The following MTMR12 variants were observed in gnomAD, a reference collection of about 807,000 sequenced individuals.
MTMR12 encodes myotubularin-related protein 12.
Under a neutral mutation model 96.7 loss-of-function variants are expected in MTMR12, and 33 were observed. The ratio of observed to expected loss-of-function variants is 0.34; its 90% CI spans 0.26 to 0.46. The LOEUF (loss-of-function observed/expected upper bound fraction) is 0.46. MTMR12 is among the 20% of genes least tolerant of loss of function. MTMR12 has a pLI of 1.00. For synonymous variants in MTMR12, 298 were observed against 327.2 expected (o/e 0.91, Z 0.96); for missense variants, 721 against 896.1 (o/e 0.80, Z 2.49).
At chr5:32,276,808 T>G in intron 1 of MTMR12, 66 bp from the exon 2 acceptor site, 1 of 1,335,270 alleles carries the variant, frequency 7.5e-7, no homozygotes, top group Non-Finnish European at 1.1e-6. Flanking sequence ...CATTAAGCCA[T>G]GCTTTCAGAA....
At chr5:32,280,577 G>T (rs1465138591) in intron 1 of MTMR12, among the ~76,000 whole-genome samples, 1 of 152,136 alleles carries the variant, frequency 6.6e-6, no homozygotes, top group Non-Finnish European at 1.5e-5. Flanking sequence ...TTTTTAAGTA[G>T]AAAGTTGTAT....
At chr5:32,289,575 G>A (rs548063078) in intron 1 of MTMR12, among the ~76,000 whole-genome samples, 8 of 152,292 alleles carry the variant, frequency 5.3e-5, no homozygotes, top group African/African-American at 1.2e-4. Context: ...CAATGATTCC[G>A]GGGTACCCAA....
intron 2 of MTMR12, among the ~76,000 whole-genome samples, chr5:32,276,287 A>G (rs1297021236): frequency 6.6e-6 from 1 of 152,224 alleles, no homozygotes; most frequent in African/African-American, 2.4e-5. Context: ...ATGGACTGAG[A>G]GGTAAAGCCA....
At chr5:32,308,579 G>A (rs995036865) in intron 1 of MTMR12, among the ~76,000 whole-genome samples, 2 of 151,834 alleles carry the variant, frequency 1.3e-5, no homozygotes, top group Non-Finnish European at 2.9e-5. Flanking sequence ...AAAATACATT[G>A]CCTTCTCACC....
intron 10 of MTMR12, among the ~76,000 whole-genome samples, chr5:32,244,725 TTTGAG>T (rs1179574762): frequency 2.0e-5 from 3 of 152,258 alleles, no homozygotes; most frequent in African/African-American, 4.8e-5. Context: ...AATGTTTTAG[TTTGAG>T]TTAAGAGTCA....
chr5:32,294,335 C>T (rs2112138393), intron 1 of MTMR12, among the ~76,000 whole-genome samples: 1 of 152,126 alleles, frequency 6.6e-6, no homozygotes, highest in Non-Finnish European at 1.5e-5. Context: ...CAGAGTCTCC[C>T]TCTATCCCCC....
chr5:32,288,571 A>G (rs533067805), intron 1 of MTMR12, among the ~76,000 whole-genome samples: 34 of 152,310 alleles, frequency 2.2e-4, no homozygotes, highest in Non-Finnish European at 4.3e-4. Context: ...TAATTTATAT[A>G]AACAGAAATC....
chr5:32,239,834 C>A (rs1413881826), intron 12 of MTMR12, among the ~76,000 whole-genome samples: 1 of 152,224 alleles, frequency 6.6e-6, no homozygotes, highest in African/African-American at 2.4e-5. Context: ...GACAAACTCT[C>A]CTTGGTCTAC....
chr5:32,305,238 G>A (rs1237403621), intron 1 of MTMR12, among the ~76,000 whole-genome samples: 2 of 152,026 alleles, frequency 1.3e-5, no homozygotes, highest in Non-Finnish European at 2.9e-5. Context: ...ACAGGCGTTC[G>A]CTACCACGCC....
In MTMR12 at chr5:32,269,685, T is replaced by TA. The variant is rs35805784; in HGVS notation, c.490-892dup. ...GTCTAATTTCTCAAAAGCAAAGTGC[T>TA]AAAAAACGTAAGTGCCACATTAAGT... On this transcript the variant is annotated intron_variant, in intron 5 of 15. Coordinates refer to ENST00000382142, the MANE Select transcript of MTMR12 (RefSeq NM_001040446.3). Among the ~76,000 whole-genome samples the TA allele has an allele frequency of 1.8e-4, 27 of 152,238 alleles. 1 individual carries two copies. Among genetic ancestry groups the TA allele is most frequent in the South Asian group, 1.0e-3 (5 of 4,824 alleles).
intron 13 of MTMR12, 40 bp downstream of exon 13, chr5:32,238,961 T>G: frequency 2.0e-6 from 3 of 1,499,814 alleles, no homozygotes; most frequent in Non-Finnish European, 2.7e-6. Flanking sequence ...ATTCAGTAGT[T>G]CTCCCTATGA....
intron 1 of MTMR12, among the ~76,000 whole-genome samples, chr5:32,310,845 T>C (rs557159497): frequency 5.9e-5 from 9 of 152,080 alleles, no homozygotes; most frequent in Admixed American, 1.3e-4. Context: ...ACCCCATTCA[T>C]GCATTGTATG....
intron 1 of MTMR12, among the ~76,000 whole-genome samples, chr5:32,305,318 A>C (rs1751312475): frequency 6.6e-6 from 1 of 152,056 alleles, no homozygotes. Flanking sequence ...CAAACTCCTG[A>C]CCTTGTGATC....
Position 32,312,918 on chromosome 5 carries a change from C to G in MTMR12, c.-80G>C. On this transcript the variant is annotated 5_prime_UTR_variant, in exon 1 of 16. Transcript: ENST00000382142. This position sits in a 1 kb window ranked among gnomAD's most constrained non-coding sequence, Gnocchi z 5.0. The stretch of plus-strand genomic sequence containing the variant: ...CAGCTGGGGCAGCAGCGGCGGCCAC[C>G]AGCACTAGCGGCTGGGGCTCCGCCC... 7.6e-7 allele frequency: 1 copy of G among 1,321,960 alleles called. No homozygotes were observed. The highest frequency in any genetic ancestry group is 1.5e-5 in the South Asian group (1 of 68,644). 81.9% of individuals were successfully genotyped at this position (1,321,960 alleles called of 1,614,324 possible).
chr5:32,242,487 T>C (rs1292552334), intron 11 of MTMR12, among the ~76,000 whole-genome samples: 1 of 152,206 alleles, frequency 6.6e-6, no homozygotes, highest in Non-Finnish European at 1.5e-5. Flanking sequence ...CAGATTGCTT[T>C]ACTTAAGGTG....
chr5:32,312,863 G>A lies in MTMR12; in HGVS notation c.-25C>T. On this transcript the variant is annotated 5_prime_UTR_variant, in exon 1 of 16. Transcript: ENST00000382142. This position sits in a 1 kb window ranked among gnomAD's most constrained non-coding sequence, Gnocchi z 5.0. ...TACCGCCGCCCTGGGAAGCAGCGAC[G>A]CGCGGACGCAGAGGCGGCGGCTCGG... The A allele has an allele frequency of 1.3e-6, 2 of 1,512,912 alleles. No individual in the cohort carries two copies. Among genetic ancestry groups the A allele is most frequent in the Non-Finnish European group, 1.8e-6 (2 of 1,135,698 alleles). 93.7% of individuals were successfully genotyped at this position (1,512,912 alleles called of 1,614,324 possible).
Position 32,276,688 on chromosome 5 carries a change from A to G in MTMR12, c.136T>C (p.Leu46=), listed in dbSNP as rs1214425444. Residue 46 remains leucine, a synonymous_variant, in exon 2 of 16, where the codon TTG becomes CTG. Transcript: ENST00000382142. The part of the protein sequence containing the change: ...VTEKEVTLHL[L]PGEQLLCEAS... ...ATGCTAACATGACAGTTACCTGGCA[A>G]CAAGTGAAGAGTTACTTCCTTCTCT... 1 of 1,613,688 alleles carries G rather than the reference A, an allele frequency of 6.2e-7. No individual in the cohort carries two copies. Among genetic ancestry groups the G allele is most frequent in the Non-Finnish European group, 8.5e-7 (1 of 1,179,664 alleles).
At chr5:32,238,659 C>CT (rs1748336140) in intron 13 of MTMR12, among the ~76,000 whole-genome samples, 1 of 152,158 alleles carries the variant, frequency 6.6e-6, no homozygotes, top group African/African-American at 2.4e-5. Context: ...ATTGCAAAGA[C>CT]TAATTTTGTA....
intron 12 of MTMR12, 86 bp from the exon 13 acceptor site, chr5:32,239,259 A>T: frequency 1.5e-6 from 2 of 1,338,424 alleles, no homozygotes; most frequent in Admixed American, 5.7e-5. Flanking sequence ...TGCACAGTTA[A>T]AAGTAGGATT....
Sources: gnomAD v4.1 joint callset for allele counts (sites outside exome capture counted in the v4.1 genomes callset) on GRCh38, gnomAD v4.1.1 for gene constraint, Gnocchi (gnomAD v3.1) non-coding constraint, MANE v1.5 for transcripts, NCBI Gene and HGNC (gene_info 2026-07-23, HGNC 2026-07-21) for gene names.